Variants in MLIP observed in about 807,000 individuals in gnomAD.
The protein encoded by MLIP is muscular LMNA interacting protein, also known as muscular LMNA-interacting protein.
Under a neutral mutation model 84.8 loss-of-function variants are expected in MLIP, and 79 were observed. The ratio of observed to expected loss-of-function variants is 0.93; its 90% confidence interval spans 0.78 to 1.12. The LOEUF is 1.12. MLIP is among the 50% of genes most tolerant of loss of function. The pLI is 0.00. For missense variants in MLIP, 1,257 were observed against 1,160.6 expected (o/e 1.08, Z -1.21); for synonymous variants, 504 against 463.0 (o/e 1.09, Z -1.14).
At chr6:54,141,312 C>CT (rs376576497) in intron 4 of MLIP, among the ~76,000 whole-genome samples, 89 of 128,380 alleles carry the variant, frequency 6.9e-4, no homozygotes, top group South Asian at 2.2e-3. Context: ...CTCAGCCTGC[C>CT]TTTTTTTTTT....
intron 1 of MLIP, among the ~76,000 whole-genome samples, chr6:54,061,659 T>C (rs930078861): frequency 5.3e-5 from 8 of 152,218 alleles, no homozygotes; most frequent in African/African-American, 1.4e-4. Context: ...TATTAAACAC[T>C]GCGCTAGTGT....
At chr6:54,151,069 G>C (rs1422477489) in intron 5 of MLIP, among the ~76,000 whole-genome samples, 1 of 152,122 alleles carries the variant, frequency 6.6e-6, no homozygotes, top group Non-Finnish European at 1.5e-5. Flanking sequence ...CTGCATTATT[G>C]TATAAGGGCT....
intron 3 of MLIP, among the ~76,000 whole-genome samples, chr6:54,127,628 T>A (rs1771032535): frequency 6.6e-6 from 1 of 152,100 alleles, no homozygotes; most frequent in Non-Finnish European, 1.5e-5. Flanking sequence ...TTTTTACAGG[T>A]AAAGCCCATG....
At chr6:54,233,325 C>G (rs1035030097) in intron 12 of MLIP, among the ~76,000 whole-genome samples, 3 of 152,164 alleles carry the variant, frequency 2.0e-5, no homozygotes, top group African/African-American at 7.2e-5. Context: ...CTATCCCTCT[C>G]CTAGCCCCCC....
In MLIP at chr6:54,051,783, T is replaced by G. The variant is rs146011123; in HGVS notation, c.63+32692T>G. On this transcript the variant is annotated intron_variant, in intron 1 of 12. Coordinates refer to the MLIP transcript ENST00000274897. ...TCTTATCTAACCATAAAGTTTATAA[T>G]TTTTGAAGACACAGTTTTTGGGCTA... Among the ~76,000 whole-genome samples the G allele has an allele frequency of 2.0e-5, 3 of 152,260 alleles. No homozygotes were observed. The East Asian group carries it at 5.8e-4, about 29-fold the overall frequency.
At chr6:54,154,358 T>C (rs1773796265) in intron 5 of MLIP, among the ~76,000 whole-genome samples, 1 of 152,160 alleles carries the variant, frequency 6.6e-6, no homozygotes, top group African/African-American at 2.4e-5. Flanking sequence ...TCTACTTCCA[T>C]GGAAAAGCTT....
At chr6:54,167,060 C>T (rs1230896079) in intron 8 of MLIP, among the ~76,000 whole-genome samples, 3 of 151,882 alleles carry the variant, frequency 2.0e-5, no homozygotes, top group Non-Finnish European at 4.4e-5. Context: ...TATGATTATG[C>T]CATGGCTTCT....
At chr6:54,245,662 G>A (rs1292657110) in intron 12 of MLIP, among the ~76,000 whole-genome samples, 1 of 152,030 alleles carries the variant, frequency 6.6e-6, no homozygotes, top group African/African-American at 2.4e-5. Flanking sequence ...TTCTTGAAAA[G>A]CTATTGTTTT....
At chr6:54,095,621 C>T (rs1252484056) in intron 1 of MLIP, among the ~76,000 whole-genome samples, 1 of 152,060 alleles carries the variant, frequency 6.6e-6, no homozygotes, top group East Asian at 1.9e-4. Flanking sequence ...AACAGGACAA[C>T]TGTCTGCTTT....
chr6:54,248,328 A>G (rs1413484221), intron 12 of MLIP, among the ~76,000 whole-genome samples: 5 of 152,180 alleles, frequency 3.3e-5, no homozygotes, highest in Non-Finnish European at 7.3e-5. Context: ...AAGGATAGAC[A>G]AAAAGAACAA....
intron 10 of MLIP, among the ~76,000 whole-genome samples, chr6:54,195,091 C>CT (rs1320179140): frequency 1.3e-5 from 2 of 151,884 alleles, no homozygotes; most frequent in Non-Finnish European, 2.9e-5. Flanking sequence ...TTTGCACAAA[C>CT]TTTTTTGCCA....
chr6:54,057,003 T>A (rs759569063), intron 1 of MLIP, among the ~76,000 whole-genome samples: 4 of 152,210 alleles, frequency 2.6e-5, no homozygotes, highest in Non-Finnish European at 5.9e-5. Flanking sequence ...GGCATAGGGT[T>A]AACATTTATT....
At chr6:54,083,809 C>G (rs1767317088) in intron 1 of MLIP, among the ~76,000 whole-genome samples, 1 of 152,060 alleles carries the variant, frequency 6.6e-6, no homozygotes. Context: ...TTAGCATGCT[C>G]AACTTTAGAA....
chr6:54,160,705 T>C, intron 7 of MLIP, 35 bp from the exon 8 acceptor site: 1 of 1,529,810 alleles, frequency 6.5e-7, no homozygotes, highest in Non-Finnish European at 9.0e-7. Context: ...TCTTTCCTTT[T>C]CTCTTCTTCT....
intron 1 of MLIP, among the ~76,000 whole-genome samples, chr6:54,055,105 C>A (rs1765584057): frequency 6.6e-6 from 1 of 152,262 alleles, no homozygotes; most frequent in East Asian, 1.9e-4. Flanking sequence ...GCAGGATGGT[C>A]TTGATCTCCT....
chr6:54,254,991 C>G (rs1240356136), intron 12 of MLIP, among the ~76,000 whole-genome samples: 2 of 152,078 alleles, frequency 1.3e-5, no homozygotes, highest in African/African-American at 4.8e-5. Flanking sequence ...CCTCATCTGA[C>G]ATATAAGCTC....
At chr6:54,055,799 A>C (rs572776293) in intron 1 of MLIP, among the ~76,000 whole-genome samples, 1 of 152,240 alleles carries the variant, frequency 6.6e-6, no homozygotes, top group Non-Finnish European at 1.5e-5. Flanking sequence ...GTGATCAGGG[A>C]CTGCCGAGAA....
chr6:54,220,587 G>A (rs1424688146), intron 11 of MLIP, among the ~76,000 whole-genome samples: 2 of 152,208 alleles, frequency 1.3e-5, no homozygotes, highest in East Asian at 1.9e-4. Flanking sequence ...TGAGTAATGA[G>A]CCAATTACTC....
intron 1 of MLIP, among the ~76,000 whole-genome samples, chr6:54,117,342 GT>G (rs1770020098): frequency 6.7e-6 from 1 of 149,572 alleles, no homozygotes; most frequent in Non-Finnish European, 1.5e-5. Flanking sequence ...AGCCTCCCAA[GT>G]AGCTGGGACT....
Sources: gnomAD v4.1 joint callset for allele counts (sites outside exome capture counted in the v4.1 genomes callset) on GRCh38, gnomAD v4.1.1 for gene constraint, MANE v1.5 for transcripts, NCBI Gene and HGNC (gene_info 2026-07-23, HGNC 2026-07-21) for gene names.